ZFHX4: variants seen among roughly 807,000 people sequenced by gnomAD.
The protein encoded by ZFHX4 is zinc finger homeobox 4.
Under a neutral mutation model 267.6 loss-of-function variants are expected in ZFHX4, and 56 were observed. That is an observed-to-expected ratio of 0.21 (90% CI 0.17 to 0.26). The LOEUF is 0.26. ZFHX4 is among the 10% of genes least tolerant of loss of function. The probability of loss-of-function intolerance (pLI) is 1.00; values close to 1 mark genes in which losing one functional copy is unlikely to be tolerated. For synonymous variants in ZFHX4, 1,778 were observed against 1,665.6 expected (o/e 1.07, Z -1.64); for missense variants, 4,332 against 4,420.0 (o/e 0.98, Z 0.56).
At position 76,819,363 on chromosome 8, in the gene ZFHX4, AG is replaced by A. The variant is rs199777554; in HGVS notation, c.3326-13973del. Among the ~76,000 whole-genome samples, 1,093 of 152,310 alleles carry A rather than the reference AG, an allele frequency of 7.2e-3. 15 individuals are homozygous for A. Among genetic ancestry groups the A allele is most frequent in the African/African-American group, 0.024 (997 of 41,566 alleles). On this transcript the variant is annotated intron_variant, in intron 4 of 10. Coordinates refer to ENST00000651372, the MANE Select transcript of ZFHX4 (RefSeq NM_024721.5). ...CATTTTTATATCTTTCTAAATAAAAAGGATTGATTAAACAGAAATACCTATA... is the reference window on the plus strand; with the variant it reads ...CATTTTTATATCTTTCTAAATAAAAAGATTGATTAAACAGAAATACCTATA...
chr8:76,712,714 A>C (rs1808458651), intron 3 of ZFHX4, among the ~76,000 whole-genome samples: 1 of 152,214 alleles, frequency 6.6e-6, no homozygotes, highest in Non-Finnish European at 1.5e-5. Flanking sequence ...TTCAGAGATA[A>C]ACAAAAGTTA....
At position 76,706,548 on chromosome 8, in the gene ZFHX4, T is replaced by G. The variant is rs1436971901; in HGVS notation, c.2460T>G (p.Leu820=). Reference sequence around the variant, plus strand: ...GCCTCGCCCCGGCGGAAGCAGAGCTTTATCAGTACTACCTAGCCCAGAACA... The same window carrying G: ...GCCTCGCCCCGGCGGAAGCAGAGCTGTATCAGTACTACCTAGCCCAGAACA... The part of the protein sequence containing the change: ...HLGLAPAEAE[L]YQYYLAQNIG... Residue 820 remains leucine, a synonymous_variant, in exon 2 of 11, where the codon CTT becomes CTG. Coordinates refer to ENST00000651372, the MANE Select transcript of ZFHX4 (RefSeq NM_024721.5). 6.2e-7 allele frequency: 1 copy of G among 1,612,962 alleles called. No individual in the cohort carries two copies. Among genetic ancestry groups the G allele is most frequent in the South Asian group, 1.1e-5 (1 of 90,854 alleles).
rs1212164067 is a variant in ZFHX4 at position 76,867,214 on chromosome 8, T to C, written c.*2649T>C. Reference sequence around the variant, plus strand: ...TATTGTAGATGGTATTTGAACTTATTCTTCTGGAAATAGTTCATCAAGTAT... The same window carrying C: ...TATTGTAGATGGTATTTGAACTTATCCTTCTGGAAATAGTTCATCAAGTAT... On this transcript the variant is annotated 3_prime_UTR_variant, in exon 11 of 11. Transcript: ENST00000651372. The C allele has an allele frequency of 5.9e-5, 9 of 152,636 alleles. No homozygotes were observed. Among genetic ancestry groups the C allele is most frequent in the Admixed American group, 5.9e-4 (9 of 15,264 alleles). 9.5% of individuals were successfully genotyped at this position (152,636 alleles called of 1,614,324 possible).
At chr8:76,777,740 G>A (rs148713597) in intron 3 of ZFHX4, among the ~76,000 whole-genome samples, 268 of 151,952 alleles carry the variant, frequency 1.8e-3, no homozygotes, top group African/African-American at 6.2e-3. Flanking sequence ...TGCAATTTGT[G>A]GATTTCAGCT....
chr8:76,793,870 G>C (rs1221645577), intron 4 of ZFHX4, among the ~76,000 whole-genome samples: 2 of 151,996 alleles, frequency 1.3e-5, no homozygotes, highest in African/African-American at 4.8e-5. Flanking sequence ...GACAAATATA[G>C]GTGATTCTTA....
chr8:76,725,890 A>T (rs1808839895), intron 3 of ZFHX4, among the ~76,000 whole-genome samples: 3 of 152,208 alleles, frequency 2.0e-5, no homozygotes. Context: ...GACATTTCGA[A>T]GTCATAATCT....
intron 1 of ZFHX4, among the ~76,000 whole-genome samples, 159 bp from the exon 2 acceptor site, chr8:76,703,884 C>T (rs921668254): frequency 6.6e-6 from 1 of 152,224 alleles, no homozygotes; most frequent in African/African-American, 2.4e-5. Flanking sequence ...TACATTTATA[C>T]AAAGTCCGTC....
rs765413307 is a variant in ZFHX4 at position 76,851,858 on chromosome 8, G to T, written c.4937G>T (p.Gly1646Val). 1.2e-6 allele frequency: 2 copies of T among 1,613,942 alleles called. No individual in the cohort carries two copies. Among genetic ancestry groups the T allele is most frequent in the Non-Finnish European group, 1.7e-6 (2 of 1,179,860 alleles). ...HSIAANVNSP[G>V]QGMLDSMSLA... is the part of the protein sequence containing the mutation. ...ATTGCAGCAAATGTCAACAGCCCTG[G>T]CCAGGGGATGTTAGATTCCATGAGT... The change falls in exon 10 of 11, where the codon GGC becomes GTC. Residue 1646 changes from glycine to valine, a missense_variant. By Grantham distance (109) the Gly-to-Val change is moderately radical. This residue lies in a region of ZFHX4 where 1,371 missense variants were observed against 1,423.1 expected (regional missense o/e 0.96). Transcript: ENST00000651372.
In ZFHX4 at chr8:76,855,925, AC is replaced by A; in HGVS notation, c.9005del (p.Thr3002ArgfsTer13). On this transcript the variant is annotated frameshift_variant, in exon 10 of 11. Coordinates refer to ENST00000651372, the MANE Select transcript of ZFHX4 (RefSeq NM_024721.5). LOFTEE classifies it high-confidence loss of function. ...GKPFMINQGG[T>X]EGTKPECTLC... is the part of the protein sequence containing the mutation. ...GCCTTTCATGATCAATCAAGGCGGA[AC>A]GGAAGGCACCAAACCAGAGTGTACC... is the stretch of plus-strand genomic sequence containing the variant. 6.2e-7 allele frequency: 1 copy of A among 1,613,936 alleles called. No individual in the cohort carries two copies.
At chr8:76,858,823 T>C (rs1448861033) in intron 10 of ZFHX4, among the ~76,000 whole-genome samples, 1 of 152,244 alleles carries the variant, frequency 6.6e-6, no homozygotes, top group Non-Finnish European at 1.5e-5. Context: ...CCTGGGCCGT[T>C]GCTACAATTT....
Position 76,707,983 on chromosome 8 carries a change from A to G in ZFHX4, c.3028A>G (p.Ser1010Gly), listed in dbSNP as rs762469781. ...KCNACDYYTN[S>G]VDKLRLHTTN... ...TAACGCCTGTGACTATTACACCAAC[A>G]GTGTGGATAAATTACGCTTGCATAC... The change falls in exon 3 of 11, where the codon AGT becomes GGT. Residue 1010 changes from serine to glycine, a missense_variant. Around this residue, in one of 7 missense-constraint regions of ZFHX4, gnomAD observed 1,371 missense variants for 1,423.1 expected, o/e 0.96. Transcript: ENST00000651372. 1 of 1,614,038 alleles carries G rather than the reference A, an allele frequency of 6.2e-7. No individual in the cohort carries two copies. Among genetic ancestry groups the G allele is most frequent in the Admixed American group, 1.7e-5 (1 of 60,024 alleles).
chr8:76,769,716 A>C (rs754173617), intron 3 of ZFHX4, among the ~76,000 whole-genome samples: 31 of 152,298 alleles, frequency 2.0e-4, no homozygotes, highest in Non-Finnish European at 4.4e-4. Flanking sequence ...TCAAAGGGTC[A>C]CTTGATTTCA....
intron 10 of ZFHX4, among the ~76,000 whole-genome samples, chr8:76,861,524 G>T (rs534489660): frequency 3.0e-4 from 45 of 152,186 alleles, no homozygotes; most frequent in African/African-American, 1.1e-3. Context: ...GGTCAGAGAA[G>T]AGTTGAGTGT....
intron 1 of ZFHX4, among the ~76,000 whole-genome samples, chr8:76,685,362 G>C (rs1056566483): frequency 6.6e-6 from 1 of 152,064 alleles, no homozygotes; most frequent in South Asian, 2.1e-4. Context: ...ATTAGAAGAG[G>C]CTGGATGATT....
In ZFHX4 at chr8:76,760,298, G is replaced by A. The variant is rs1455349671; in HGVS notation, c.3094-17910G>A. ...ACTCCATGAAACAATATGGCATGTG[G>A]ATTGCGGCCTTTGAGCAGACACAAA... On this transcript the variant is annotated intron_variant, in intron 3 of 10. Coordinates refer to ENST00000651372, the MANE Select transcript of ZFHX4 (RefSeq NM_024721.5). Among the ~76,000 whole-genome samples, 4 of 152,116 alleles carry A rather than the reference G, an allele frequency of 2.6e-5. No individual in the cohort carries two copies. In the East Asian group the frequency reaches 7.7e-4, roughly 29 times the overall value.
intron 1 of ZFHX4, among the ~76,000 whole-genome samples, chr8:76,685,061 G>T (rs1169788882): frequency 6.6e-6 from 1 of 152,146 alleles, no homozygotes; most frequent in Non-Finnish European, 1.5e-5. Context: ...CCATTAACTG[G>T]AAAACCCCTG....
At chr8:76,841,941 A>T (rs2131914038) in intron 5 of ZFHX4, among the ~76,000 whole-genome samples, 1 of 152,290 alleles carries the variant, frequency 6.6e-6, no homozygotes, top group African/African-American at 2.4e-5. Context: ...AAACAGATTA[A>T]TCCACCAGCA....
At chr8:76,709,054 A>G (rs1020868701) in intron 3 of ZFHX4, among the ~76,000 whole-genome samples, 2 of 152,230 alleles carry the variant, frequency 1.3e-5, no homozygotes, top group Middle Eastern at 3.2e-3. Flanking sequence ...CTATACTATC[A>G]GGAGTCAACC....
intron 1 of ZFHX4, among the ~76,000 whole-genome samples, chr8:76,694,412 A>G (rs1410642680): frequency 6.6e-6 from 1 of 152,328 alleles, no homozygotes; most frequent in Middle Eastern, 3.4e-3. Context: ...AGAATAAAAT[A>G]GGTGCTACCC....
Sources: gnomAD v4.1 joint callset for allele counts (sites outside exome capture counted in the v4.1 genomes callset) on GRCh38, gnomAD v4.1.1 for gene constraint, gnomAD v4.1.1 regional missense constraint, MANE v1.5 for transcripts, NCBI Gene and HGNC (gene_info 2026-07-23, HGNC 2026-07-21) for gene names.